The following TRMT10B variants were observed in gnomAD, a reference collection of about 807,000 sequenced individuals.
TRMT10B encodes tRNA methyltransferase 10B, also known as tRNA methyltransferase 10 homolog B.
In TRMT10B, 33 loss-of-function variants were observed where a neutral mutation model predicts 43.8. The observed-to-expected ratio is 0.75, with a 90% CI of 0.57 to 1.01. The LOEUF is 1.01. Among genes scored for constraint, TRMT10B ranks in the 50% least tolerant of loss-of-function variants. The pLI, the probability that TRMT10B is intolerant of heterozygous loss-of-function variation, is 0.00. For missense variants in TRMT10B, 362 were observed against 369.8 expected, an observed-to-expected ratio of 0.98 and a Z score of 0.17; for synonymous variants, 137 against 130.6, an observed-to-expected ratio of 1.05 and a Z score of -0.34.
chr9:37,758,511 A>G (rs922055750), intron 1 of TRMT10B, among the ~76,000 whole-genome samples: 1 of 152,230 alleles, frequency 6.6e-6, no homozygotes, highest in African/African-American at 2.4e-5. Context: ...TGTAAAACCT[A>G]CCTTGACCAT....
intron 1 of TRMT10B, among the ~76,000 whole-genome samples, chr9:37,754,217 G>C (rs1487874490): frequency 6.6e-6 from 1 of 152,222 alleles, no homozygotes; most frequent in Non-Finnish European, 1.5e-5. Flanking sequence ...GCATCTATAA[G>C]CAAACAACAC....
intron 1 of TRMT10B, among the ~76,000 whole-genome samples, chr9:37,756,861 CACAT>C (rs750055573): frequency 1.1e-4 from 16 of 151,640 alleles, no homozygotes; most frequent in Non-Finnish European, 1.9e-4. Flanking sequence ...TATACACACA[CACAT>C]ATACATACAC....
At chr9:37,755,078 G>A (rs1340587545) in intron 1 of TRMT10B, among the ~76,000 whole-genome samples, 1 of 151,976 alleles carries the variant, frequency 6.6e-6, no homozygotes, top group Non-Finnish European at 1.5e-5. Flanking sequence ...AGACCATCCT[G>A]GCTAAAATGG....
chr9:37,767,106 C>T (rs1490430918), intron 4 of TRMT10B: 1 of 152,116 alleles, frequency 6.6e-6, no homozygotes. Flanking sequence ...TCTTTTTAGA[C>T]ATCTGTTTTA....
Position 37,777,995 on chromosome 9 carries a change from A to C in TRMT10B, c.*288A>C. 1 of 227,314 alleles carries C rather than the reference A, an allele frequency of 4.4e-6. No homozygotes were observed. Among genetic ancestry groups the C allele is most frequent in the South Asian group, 7.3e-5 (1 of 13,732 alleles). The allele number at this position is 227,314 out of a possible 1,614,324, so 14.1% of individuals were successfully genotyped here. A position where few individuals can be genotyped will look rare whatever the true frequency, so the allele number is the denominator to read the frequency against. On this transcript the variant is annotated 3_prime_UTR_variant, in exon 9 of 9. Coordinates refer to ENST00000297994, the MANE Select transcript of TRMT10B (RefSeq NM_144964.4). ...ACTCCAGCCTGGGTGACAGAGCAAG[A>C]CTCCATCTCAAAAAAAAAATAAATA...
intron 5 of TRMT10B, chr9:37,769,548 C>T: frequency 5.4e-6 from 1 of 183,556 alleles, no homozygotes; most frequent in Non-Finnish European, 1.2e-5. Flanking sequence ...TGTGCAGTTC[C>T]TTGATAAACC....
intron 7 of TRMT10B, 83 bp from the exon 8 acceptor site, chr9:37,776,199 T>C: frequency 8.8e-7 from 1 of 1,136,488 alleles, no homozygotes; most frequent in South Asian, 2.5e-5. Context: ...CACAATAGGC[T>C]ACTTATTTTT....
chr9:37,776,259 A>C (rs1439448353), intron 7 of TRMT10B, 23 bp from the exon 8 acceptor site: 5 of 1,441,394 alleles, frequency 3.5e-6, no homozygotes, highest in Non-Finnish European at 4.6e-6. Context: ...TTATAAGAAA[A>C]ATATTTAACT....
In TRMT10B at chr9:37,778,257, C is replaced by T. The variant is rs1313702671; in HGVS notation, c.*550C>T. 1.3e-5 allele frequency: 2 copies of T among 152,736 alleles called. No individual in the cohort carries two copies. Among genetic ancestry groups the T allele is most frequent in the Non-Finnish European group, 2.9e-5 (2 of 68,506 alleles). The allele number at this position is 152,736 out of a possible 1,614,324, so 9.5% of individuals were successfully genotyped here. Reference sequence around the variant, plus strand: ...ATGTGGTGGGTGCAGTGGCTCACGCCTGTAATCCCAGCACTTTGGGAGGCT... The same window carrying T: ...ATGTGGTGGGTGCAGTGGCTCACGCTTGTAATCCCAGCACTTTGGGAGGCT... On this transcript the variant is annotated 3_prime_UTR_variant, in exon 9 of 9. Transcript: ENST00000297994.
intron 1 of TRMT10B, among the ~76,000 whole-genome samples, chr9:37,754,466 G>C (rs1825387641): frequency 6.6e-6 from 1 of 152,182 alleles, no homozygotes; most frequent in African/African-American, 2.4e-5. Flanking sequence ...GTCATTGTAT[G>C]GATTTGGGCT....
chr9:37,774,690 A>ATAAGTCCC (rs558778121), intron 7 of TRMT10B, among the ~76,000 whole-genome samples: 171 of 152,358 alleles, frequency 1.1e-3, no homozygotes, highest in African/African-American at 4.0e-3. Context: ...ATCCTTTCAA[A>ATAAGTCCC]TAAGTCCCTG....
chr9:37,773,121 T>C (rs1827761575), intron 7 of TRMT10B, among the ~76,000 whole-genome samples: 1 of 152,206 alleles, frequency 6.6e-6, no homozygotes, highest in African/African-American at 2.4e-5. Flanking sequence ...CAAATTATTT[T>C]TTATTGAGAC....
intron 4 of TRMT10B, among the ~76,000 whole-genome samples, chr9:37,764,747 G>A (rs187547549): frequency 7.1e-4 from 108 of 152,192 alleles, no homozygotes; most frequent in Non-Finnish European, 1.4e-3. Flanking sequence ...TTTAATTGAT[G>A]CTCATTCACC....
chr9:37,770,879 C>A, intron 7 of TRMT10B, 140 bp downstream of exon 7: 1 of 821,308 alleles, frequency 1.2e-6, no homozygotes, highest in Non-Finnish European at 1.8e-6. Context: ...ACCAGGTTGG[C>A]CCTCTGGCTG....
At chr9:37,769,744 G>A in intron 5 of TRMT10B, 197 bp from the exon 6 acceptor site, 1 of 588,018 alleles carries the variant, frequency 1.7e-6, no homozygotes, top group East Asian at 2.9e-5. Context: ...GGGACTACAG[G>A]CACATGCCAC....
At chr9:37,757,601 T>C (rs1024148615) in intron 1 of TRMT10B, among the ~76,000 whole-genome samples, 2 of 152,208 alleles carry the variant, frequency 1.3e-5, no homozygotes, top group African/African-American at 2.4e-5. Flanking sequence ...TCTTCAGGAA[T>C]ATATCTGGTG....
intron 1 of TRMT10B, among the ~76,000 whole-genome samples, chr9:37,756,009 C>T (rs756850496): frequency 2.6e-5 from 4 of 152,166 alleles, no homozygotes; most frequent in African/African-American, 9.7e-5. Context: ...GATCTCCTAT[C>T]CTAGATCTCT....
intron 7 of TRMT10B, among the ~76,000 whole-genome samples, chr9:37,774,102 C>T (rs1827880631): frequency 6.6e-6 from 1 of 152,180 alleles, no homozygotes; most frequent in African/African-American, 2.4e-5. Flanking sequence ...CAGCTTACTC[C>T]AGGCTCAATT....
At chr9:37,765,676 T>C (rs1826912254) in intron 4 of TRMT10B, among the ~76,000 whole-genome samples, 2 of 152,204 alleles carry the variant, frequency 1.3e-5, no homozygotes, top group Admixed American at 1.3e-4. Context: ...ACTTCCACAA[T>C]GGTTGAACTA....
Sources: gnomAD v4.1 joint callset for allele counts (sites outside exome capture counted in the v4.1 genomes callset) on GRCh38, gnomAD v4.1.1 for gene constraint, MANE v1.5 for transcripts, NCBI Gene and HGNC (gene_info 2026-07-23, HGNC 2026-07-21) for gene names.